The following NRG1 variants were observed in gnomAD, a reference collection of about 807,000 sequenced individuals.
NRG1 encodes the protein pro-neuregulin-1, membrane-bound isoform.
In NRG1, 18 loss-of-function variants were observed where a neutral mutation model predicts 63.8. The ratio of observed to expected loss-of-function variants is 0.28; its 90% confidence interval spans 0.19 to 0.42. NRG1 has a LOEUF of 0.42. Ranked by LOEUF, NRG1 falls within the 10% of genes least tolerant of loss-of-function variation. The probability of loss-of-function intolerance (pLI) is 1.00; values close to 1 mark genes in which losing one functional copy is unlikely to be tolerated. For synonymous variants in NRG1, 302 were observed against 301.3 expected, an observed-to-expected ratio of 1.00 and a Z score of -0.02; for missense variants, 762 against 814.7, an observed-to-expected ratio of 0.94 and a Z score of 0.79.
chr8:31,691,392 G>C (rs964685191), intron 1 of NRG1, among the ~76,000 whole-genome samples: 1 of 151,876 alleles, frequency 6.6e-6, no homozygotes, highest in African/African-American at 2.4e-5. Context: ...CGGATCTCGA[G>C]GTCAGGAGTT....
At chr8:31,787,698 A>G (rs1820309808) in intron 1 of NRG1, among the ~76,000 whole-genome samples, 1 of 152,204 alleles carries the variant, frequency 6.6e-6, no homozygotes. Flanking sequence ...TTCAATTTAC[A>G]CTGAATGCAT....
intron 1 of NRG1, among the ~76,000 whole-genome samples, chr8:32,439,211 G>A (rs1331162872): frequency 6.6e-6 from 1 of 152,072 alleles, no homozygotes; most frequent in African/African-American, 2.4e-5. Context: ...TTATAAATTA[G>A]TTAACAGTTA....
intron 1 of NRG1, among the ~76,000 whole-genome samples, chr8:31,794,720 A>G (rs898707335): frequency 1.3e-5 from 2 of 152,110 alleles, no homozygotes; most frequent in African/African-American, 2.4e-5. Flanking sequence ...TTATGTAAAT[A>G]CTTATGGAGT....
intron 1 of NRG1, among the ~76,000 whole-genome samples, chr8:32,090,477 G>C (rs1252432110): frequency 6.6e-6 from 1 of 151,958 alleles, no homozygotes; most frequent in Non-Finnish European, 1.5e-5. Context: ...CATGCCATCA[G>C]ACCCAGCTAA....
chr8:32,044,760 A>G (rs1250706056), intron 1 of NRG1, among the ~76,000 whole-genome samples: 1 of 151,658 alleles, frequency 6.6e-6, no homozygotes, highest in East Asian at 1.9e-4. Flanking sequence ...TTCAAACTGC[A>G]TAGAAATGAA....
intron 1 of NRG1, among the ~76,000 whole-genome samples, chr8:32,324,718 G>A (rs1801799144): frequency 6.6e-6 from 1 of 152,318 alleles, no homozygotes. Flanking sequence ...TCTGTAAATA[G>A]TTCTCAATAG....
In NRG1 at chr8:32,435,854, G is replaced by A. The variant is rs182776890; in HGVS notation, c.38-159974G>A. Among the ~76,000 whole-genome samples, 12 of 152,190 alleles carry A rather than the reference G, an allele frequency of 7.9e-5. No homozygotes were observed. The East Asian group carries it at 2.1e-3, about 27-fold the overall frequency. Reference sequence around the variant, plus strand: ...CATCCTAATATAGTTATGTTTACCTGTCATTTATTTTAATTGATATATGCC... The same window carrying A: ...CATCCTAATATAGTTATGTTTACCTATCATTTATTTTAATTGATATATGCC... On this transcript the variant is annotated intron_variant, in intron 1 of 10. Transcript: ENST00000519301.
At chr8:32,192,215 C>T (rs1842560234) in intron 1 of NRG1, 1 of 152,184 alleles carries the variant, frequency 6.6e-6, no homozygotes, top group Admixed American at 6.6e-5. Flanking sequence ...ACAGAACAAG[C>T]ATTCAACCTA....
intron 1 of NRG1, among the ~76,000 whole-genome samples, chr8:31,962,662 G>C (rs937745273): frequency 1.3e-5 from 2 of 152,098 alleles, no homozygotes; most frequent in Non-Finnish European, 2.9e-5. Context: ...AACCAGTTCG[G>C]ATTAAACAAA....
intron 1 of NRG1, among the ~76,000 whole-genome samples, chr8:31,984,259 T>G (rs1043397605): frequency 1.3e-5 from 2 of 152,086 alleles, no homozygotes; most frequent in African/African-American, 4.8e-5. Context: ...ATGATAAAAT[T>G]ATTGCATGAT....
At chr8:32,366,677 G>GTATGTA (rs1554519435) in intron 1 of NRG1, among the ~76,000 whole-genome samples, 2 of 87,522 alleles carry the variant, frequency 2.3e-5, no homozygotes, top group Non-Finnish European at 4.5e-5. Flanking sequence ...GTGTGTGTGT[G>GTATGTA]TATATATATA....
downstream of NRG1, among the ~76,000 whole-genome samples, chr8:32,768,750 G>A (rs115659086): frequency 2.1e-3 from 317 of 152,282 alleles, no homozygotes; most frequent in African/African-American, 7.3e-3. Context: ...ATTCCAGGTA[G>A]GTTAAGAGCT....
chr8:32,338,043 A>T (rs1252833671), intron 1 of NRG1, among the ~76,000 whole-genome samples: 1 of 152,204 alleles, frequency 6.6e-6, no homozygotes, highest in Non-Finnish European at 1.5e-5. Flanking sequence ...AAATGTAAAG[A>T]TGACTTACTC....
intron 1 of NRG1, among the ~76,000 whole-genome samples, chr8:31,840,668 C>T (rs1826114916): frequency 6.6e-6 from 1 of 152,152 alleles, no homozygotes; most frequent in Non-Finnish European, 1.5e-5. Context: ...TACACACACA[C>T]GCACTCATGC....
chr8:32,553,273 T>G (rs1834492343), intron 1 of NRG1, among the ~76,000 whole-genome samples: 2 of 152,176 alleles, frequency 1.3e-5, no homozygotes, highest in South Asian at 4.1e-4. Context: ...AACCAACATG[T>G]AATAAGTGCC....
chr8:32,371,685 C>T (rs1220201068), intron 1 of NRG1, among the ~76,000 whole-genome samples: 1 of 152,158 alleles, frequency 6.6e-6, no homozygotes, highest in East Asian at 1.9e-4. Flanking sequence ...CCTTTGCCTT[C>T]CCATTCTCCT....
intron 1 of NRG1, among the ~76,000 whole-genome samples, chr8:32,230,320 A>AT (rs1311655060): frequency 1.3e-5 from 2 of 152,186 alleles, no homozygotes; most frequent in Non-Finnish European, 2.9e-5. Flanking sequence ...TTGAAGACAA[A>AT]TGTCTCACGC....
chr8:31,848,978 C>T (rs959917591), intron 1 of NRG1, among the ~76,000 whole-genome samples: 1 of 152,182 alleles, frequency 6.6e-6, no homozygotes. Flanking sequence ...TTATCTTCCA[C>T]GAAACAGATC....
intron 5 of NRG1, among the ~76,000 whole-genome samples, chr8:32,622,410 C>A (rs959084026): frequency 6.6e-6 from 1 of 152,014 alleles, no homozygotes; most frequent in Non-Finnish European, 1.5e-5. Context: ...CTGTTCTTTT[C>A]TTTTCTTCTT....
Sources: gnomAD v4.1 joint callset for allele counts (sites outside exome capture counted in the v4.1 genomes callset) on GRCh38, gnomAD v4.1.1 for gene constraint, MANE v1.5 for transcripts, NCBI Gene and HGNC (gene_info 2026-07-23, HGNC 2026-07-21) for gene names.